Variants in SBF2 observed in about 807,000 individuals in gnomAD.
SBF2 encodes myotubularin-related protein 13.
SBF2 carries 112 observed loss-of-function variants against 225.2 expected under a neutral mutation model. The observed-to-expected ratio is 0.50, with a 90% CI of 0.43 to 0.58. The LOEUF is 0.58. Ranked by LOEUF, SBF2 falls within the 20% of genes least tolerant of loss-of-function variation. The pLI is 0.00. For synonymous variants in SBF2, 763 were observed against 773.3 expected (o/e 0.99, Z 0.22); for missense variants, 1,996 against 2,206.2 (o/e 0.90, Z 1.91).
chr11:9,947,766 T>C (rs1590571454), intron 16 of SBF2, among the ~76,000 whole-genome samples: 1 of 150,796 alleles, frequency 6.6e-6, no homozygotes, highest in Admixed American at 6.7e-5. Flanking sequence ...TACATTAGGA[T>C]GGCTACTATT....
intron 2 of SBF2, among the ~76,000 whole-genome samples, chr11:10,124,880 G>T (rs1034864343): frequency 6.6e-6 from 1 of 151,984 alleles, no homozygotes; most frequent in South Asian, 2.1e-4. Context: ...CGAGGCAGGC[G>T]GATCACCTGA....
intron 2 of SBF2, among the ~76,000 whole-genome samples, chr11:10,084,847 C>A (rs1328008074): frequency 6.6e-6 from 1 of 152,178 alleles, no homozygotes; most frequent in Non-Finnish European, 1.5e-5. Context: ...TCAAATGCCA[C>A]ATGTTCTCAC....
At chr11:9,856,333 G>C in intron 19 of SBF2, 125 bp downstream of exon 19, 1 of 1,275,196 alleles carries the variant, frequency 7.8e-7, no homozygotes, top group Non-Finnish European at 1.1e-6. Context: ...CCAAAGGTGA[G>C]GAAAAATGGT....
chr11:9,999,611 C>T (rs1590719524), intron 8 of SBF2, among the ~76,000 whole-genome samples: 1 of 151,724 alleles, frequency 6.6e-6, no homozygotes, highest in African/African-American at 2.4e-5. Context: ...TGTGGGCCAC[C>T]GTGCCTGGCC....
chr11:10,042,393 C>T (rs1949686715), intron 3 of SBF2, among the ~76,000 whole-genome samples: 1 of 152,174 alleles, frequency 6.6e-6, no homozygotes. Flanking sequence ...TTATGAATTT[C>T]TGCCTGATCA....
intron 2 of SBF2, among the ~76,000 whole-genome samples, chr11:10,081,619 G>A (rs1244718238): frequency 6.6e-6 from 1 of 151,888 alleles, no homozygotes; most frequent in Non-Finnish European, 1.5e-5. Context: ...AATTAGCCAG[G>A]CGTGGTGACA....
chr11:9,836,451 C>G (rs76692878), intron 26 of SBF2, among the ~76,000 whole-genome samples: 3,889 of 152,184 alleles, frequency 0.026, 68 homozygotes, highest in Middle Eastern at 0.068. Flanking sequence ...AATATATTCC[C>G]TATTTTGCTC....
intron 2 of SBF2, among the ~76,000 whole-genome samples, chr11:10,053,478 AAAG>A (rs1459587366): frequency 6.6e-6 from 1 of 152,238 alleles, no homozygotes; most frequent in African/African-American, 2.4e-5. Flanking sequence ...TATTCTGACC[AAAG>A]AAGAACTGAT....
chr11:10,009,502 A>G (rs957552357), intron 6 of SBF2, among the ~76,000 whole-genome samples: 3 of 152,066 alleles, frequency 2.0e-5, no homozygotes, highest in Admixed American at 2.0e-4. Flanking sequence ...GAGTGAGAAC[A>G]TGCGGTGTTT....
At chr11:10,183,749 C>T (rs559793114) in intron 2 of SBF2, among the ~76,000 whole-genome samples, 7 of 152,206 alleles carry the variant, frequency 4.6e-5, no homozygotes, top group Admixed American at 6.5e-5. Flanking sequence ...TGTGTGTTCT[C>T]ATCCATATGT....
intron 1 of SBF2, among the ~76,000 whole-genome samples, chr11:10,272,601 G>A (rs545890012): frequency 3.9e-4 from 60 of 151,946 alleles, no homozygotes; most frequent in African/African-American, 6.3e-4. Context: ...GCAAAACCCC[G>A]TCTCTACTAA....
In SBF2 at chr11:9,795,813, G is replaced by A. The variant is rs754163697; in HGVS notation, c.4570+18C>T. On this transcript the variant is annotated intron_variant, in intron 33 of 39. Transcript: ENST00000256190. ...AGAACTAACAAAAAAGATGAAACAA[G>A]GGCATACAGACACATACCGTGCTCT... The A allele has an allele frequency of 1.1e-5, 18 of 1,612,136 alleles. No homozygotes were observed. Among genetic ancestry groups the A allele is most frequent in the Non-Finnish European group, 1.5e-5 (18 of 1,179,076 alleles).
At chr11:10,100,411 C>T (rs866540277) in intron 2 of SBF2, among the ~76,000 whole-genome samples, 1 of 152,212 alleles carries the variant, frequency 6.6e-6, no homozygotes, top group African/African-American at 2.4e-5. Flanking sequence ...AAGGCCAGCC[C>T]AAGCGGCCAC....
At chr11:10,238,442 C>T (rs1959165568) in intron 1 of SBF2, among the ~76,000 whole-genome samples, 1 of 152,056 alleles carries the variant, frequency 6.6e-6, no homozygotes, top group African/African-American at 2.4e-5. Flanking sequence ...AACATGAAAA[C>T]ACTAACCAAA....
intron 3 of SBF2, among the ~76,000 whole-genome samples, chr11:10,040,066 T>C (rs532932469): frequency 6.6e-6 from 1 of 152,096 alleles, no homozygotes; most frequent in South Asian, 2.1e-4. Flanking sequence ...CATTTTTTGT[T>C]ATCAGAATCA....
intron 16 of SBF2, among the ~76,000 whole-genome samples, chr11:9,898,663 C>A (rs965313635): frequency 1.3e-5 from 2 of 152,050 alleles, no homozygotes; most frequent in African/African-American, 4.8e-5. Context: ...GGAGTGAGAC[C>A]TGTCTTTTAA....
rs190317993 is a variant in SBF2, at chr11:10,201,819, A to G, written c.56-7832T>C. Among the ~76,000 whole-genome samples, 282 of 152,358 alleles carry G rather than the reference A, an allele frequency of 1.9e-3. 1 individual carries two copies. Among genetic ancestry groups the G allele is most frequent in the African/African-American group, 6.3e-3 (261 of 41,580 alleles). On this transcript the variant is annotated intron_variant, in intron 1 of 39. Coordinates refer to ENST00000256190, the MANE Select transcript of SBF2 (RefSeq NM_030962.4). ...GAGACCAGCCTGGCCAACATGGTGAAACCCCATCTCTACTAAAAATACAAT... is the reference window on the plus strand; with the variant it reads ...GAGACCAGCCTGGCCAACATGGTGAGACCCCATCTCTACTAAAAATACAAT...
intron 16 of SBF2, among the ~76,000 whole-genome samples, chr11:9,938,834 G>A (rs893216656): frequency 6.6e-6 from 1 of 151,124 alleles, no homozygotes; most frequent in African/African-American, 2.4e-5. Flanking sequence ...AAATATAGAG[G>A]TTATTAAAAA....
intron 32 of SBF2, among the ~76,000 whole-genome samples, chr11:9,799,704 T>G (rs1305399867): frequency 6.6e-6 from 1 of 152,230 alleles, no homozygotes; most frequent in Non-Finnish European, 1.5e-5. Context: ...ATGAGATGGC[T>G]GAACTCTTAC....
Sources: gnomAD v4.1 joint callset for allele counts (sites outside exome capture counted in the v4.1 genomes callset) on GRCh38, gnomAD v4.1.1 for gene constraint, MANE v1.5 for transcripts, NCBI Gene and HGNC (gene_info 2026-07-23, HGNC 2026-07-21) for gene names.